Variants in SASH1 observed in about 807,000 individuals in gnomAD.
SASH1 encodes SAM and SH3 domain containing 1.
In SASH1, 44 loss-of-function variants were observed where a neutral mutation model predicts 125.2. The ratio of observed to expected loss-of-function variants is 0.35; its 90% confidence interval spans 0.28 to 0.45. The LOEUF (loss-of-function observed/expected upper bound fraction) is 0.45. SASH1 is among the 20% of genes least tolerant of loss of function. The pLI, the probability that SASH1 is intolerant of heterozygous loss-of-function variation, is 1.00. For synonymous variants in SASH1, 639 were observed against 649.1 expected (o/e 0.98, Z 0.24); for missense variants, 1,426 against 1,614.5 (o/e 0.88, Z 2.00).
chr6:148,370,418 T>C (rs1400799032), intron 1 of SASH1, among the ~76,000 whole-genome samples: 1 of 152,198 alleles, frequency 6.6e-6, no homozygotes, highest in Non-Finnish European at 1.5e-5. Flanking sequence ...ACACACTAGG[T>C]TGAAATATCT....
chr6:148,232,537 C>T, the SASH1 span, among the ~76,000 whole-genome samples: 4 of 152,108 alleles, frequency 2.6e-5, no homozygotes, highest in Non-Finnish European at 4.4e-5. Context: ...AACTGATACT[C>T]GGTGTTGTCG....
chr6:148,464,384 A>C (rs547330075), intron 4 of SASH1, among the ~76,000 whole-genome samples: 2 of 152,350 alleles, frequency 1.3e-5, no homozygotes, highest in African/African-American at 4.8e-5. Context: ...CTTCCTGGTC[A>C]TCAAAATCCA....
chr6:148,516,798 G>A (rs1780470223), intron 9 of SASH1, among the ~76,000 whole-genome samples: 1 of 152,084 alleles, frequency 6.6e-6, no homozygotes, highest in Non-Finnish European at 1.5e-5. Context: ...CCAGCACGAT[G>A]TCCAGGCAGC....
At chr6:148,247,864 G>A in the SASH1 span, among the ~76,000 whole-genome samples, 1 of 152,146 alleles carries the variant, frequency 6.6e-6, no homozygotes, top group African/African-American at 2.4e-5. Flanking sequence ...CCCCTCCCTG[G>A]GAAACCCTAG....
intron 2 of SASH1, among the ~76,000 whole-genome samples, chr6:148,434,789 C>G (rs914295119): frequency 2.0e-5 from 3 of 152,168 alleles, no homozygotes; most frequent in African/African-American, 7.2e-5. Context: ...ACTTAAGGTT[C>G]AAGTTCAGCC....
intron 4 of SASH1, among the ~76,000 whole-genome samples, chr6:148,452,135 T>G (rs1437613463): frequency 6.6e-6 from 1 of 152,214 alleles, no homozygotes; most frequent in Non-Finnish European, 1.5e-5. Flanking sequence ...TTATTTGTTT[T>G]TTCAGGCACA....
At chr6:148,502,476 G>A (rs116609645) in intron 8 of SASH1, among the ~76,000 whole-genome samples, 2,070 of 152,162 alleles carry the variant, frequency 0.014, 59 homozygotes, top group African/African-American at 0.046. Flanking sequence ...TTCTAAATAC[G>A]AAGAATAACA....
chr6:148,296,115 GTTGTTT>G (rs1473993556), intron 1 of SASH1, among the ~76,000 whole-genome samples: 1 of 127,042 alleles, frequency 7.9e-6, no homozygotes, highest in Admixed American at 7.4e-5. Flanking sequence ...TTTGTTTTTT[GTTGTTT>G]TTGTTTTTGT....
At chr6:148,241,060 A>C in the SASH1 span, among the ~76,000 whole-genome samples, 1 of 152,180 alleles carries the variant, frequency 6.6e-6, no homozygotes, top group Non-Finnish European at 1.5e-5. Flanking sequence ...GCAAGCTCTG[A>C]AAAATCTGTA....
Position 148,519,871 on chromosome 6 carries a change from G to A in SASH1, c.1187G>A (p.Gly396Asp). The change falls in exon 10 of 20, where the codon GGT becomes GAT. Residue 396 changes from glycine to aspartate, a missense_variant. This residue lies in a region of SASH1 where 567 missense variants were observed against 575.6 expected (regional missense o/e 0.99). Coordinates refer to ENST00000367467, the MANE Select transcript of SASH1 (RefSeq NM_015278.5). This position sits in a 1 kb window ranked among gnomAD's most constrained non-coding sequence, Gnocchi z 4.8. ...CTCACCGAGGGGGAGATGAAGAAGG[G>A]TCTCGGGTCCCTAAGCCACGGGGTA... ...RSLTEGEMKK[G>D]LGSLSHGRTC... 1.3e-6 allele frequency: 2 copies of A among 1,586,184 alleles called. No homozygotes were observed. Among genetic ancestry groups the A allele is most frequent in the Non-Finnish European group, 1.7e-6 (2 of 1,167,994 alleles).
intron 5 of SASH1, 110 bp downstream of exon 5, chr6:148,468,695 C>G: frequency 1.4e-6 from 1 of 695,236 alleles, no homozygotes; most frequent in Non-Finnish European, 2.4e-6. Context: ...CAGAAATAAA[C>G]ACTGTTAAGA....
the SASH1 span, among the ~76,000 whole-genome samples, chr6:148,247,088 T>C: frequency 1.3e-5 from 2 of 152,214 alleles, no homozygotes; most frequent in African/African-American, 4.8e-5. Flanking sequence ...TTAGTCAATT[T>C]GCCATGGTCC....
At position 148,519,492 on chromosome 6, in the gene SASH1, T is replaced by C. The variant is rs1562477581; in HGVS notation, c.863-55T>C. Reference sequence around the variant, plus strand: ...GAAAGGTGGTGAATGTAAAGAAAGATGTATGCAAGAATGCAAAGGTGTGTT... The same window carrying C: ...GAAAGGTGGTGAATGTAAAGAAAGACGTATGCAAGAATGCAAAGGTGTGTT... On this transcript the variant is annotated intron_variant, in intron 9 of 19. Transcript: ENST00000367467. This position sits in a 1 kb window ranked among gnomAD's most constrained non-coding sequence, Gnocchi z 4.8. 2 of 1,299,272 alleles carry C rather than the reference T, an allele frequency of 1.5e-6. No homozygotes were observed. Among genetic ancestry groups the C allele is most frequent in the Middle Eastern group, 1.9e-4 (1 of 5,278 alleles). The allele number at this position is 1,299,272 out of a possible 1,614,324, so 80.5% of individuals were successfully genotyped here.
At chr6:148,404,471 C>G (rs9403954) in intron 2 of SASH1, among the ~76,000 whole-genome samples, 20,793 of 152,008 alleles carry the variant, frequency 0.14, 1,530 homozygotes, top group Admixed American at 0.22. Context: ...TGAGGATAAA[C>G]TACATAAAAA....
At chr6:148,300,442 ATTTT>A (rs34126353) in intron 1 of SASH1, among the ~76,000 whole-genome samples, 61,907 of 107,922 alleles carry the variant, frequency 0.57, 16,325 homozygotes, top group South Asian at 0.61. Flanking sequence ...CAGAAACAAG[ATTTT>A]TTTTTTTTTT....
At chr6:148,525,127 C>T in intron 10 of SASH1, 164 bp from the exon 11 acceptor site, 2 of 622,822 alleles carry the variant, frequency 3.2e-6, no homozygotes, top group Admixed American at 5.3e-5. Flanking sequence ...TTCCTTACGA[C>T]ATGACTCATG....
At chr6:148,273,914 T>C (rs1241054319) in intron 1 of SASH1, among the ~76,000 whole-genome samples, 1 of 152,122 alleles carries the variant, frequency 6.6e-6, no homozygotes, top group Non-Finnish European at 1.5e-5. Flanking sequence ...CTAGAAGAAA[T>C]TAGAATTAGA....
chr6:148,242,139 G>C, the SASH1 span, among the ~76,000 whole-genome samples: 2 of 152,306 alleles, frequency 1.3e-5, no homozygotes, highest in African/African-American at 4.8e-5. Context: ...TAGTCAACCA[G>C]TCTCTTGCTA....
chr6:148,329,888 C>T (rs902854930), intron 1 of SASH1, among the ~76,000 whole-genome samples: 2 of 151,840 alleles, frequency 1.3e-5, no homozygotes, highest in Non-Finnish European at 2.9e-5. Flanking sequence ...GGGAGTGTCT[C>T]TTTGTAAGGG....
Sources: allele counts gnomAD v4.1 joint callset (sites outside exome capture counted in the v4.1 genomes callset), GRCh38; gene constraint gnomAD v4.1.1; regional missense constraint gnomAD v4.1.1; non-coding constraint Gnocchi (gnomAD v3.1); transcripts MANE v1.5; gene names NCBI Gene and HGNC (gene_info 2026-07-23, HGNC 2026-07-21).